Variants in NBPF12 observed in about 807,000 individuals in gnomAD.
The protein encoded by NBPF12 is NBPF family member NBPF12.
Under a neutral mutation model 146.4 loss-of-function variants are expected in NBPF12, and 115 were observed. That is an observed-to-expected ratio of 0.79 (90% CI 0.68 to 0.92). The LOEUF (loss-of-function observed/expected upper bound fraction) is 0.92. Among genes scored for constraint, NBPF12 ranks in the 40% least tolerant of loss-of-function variants. NBPF12 has a pLI of 0.00. For missense variants in NBPF12, 1,205 were observed against 1,326.8 expected (o/e 0.91, Z 1.43); for synonymous variants, 385 against 508.9 (o/e 0.76, Z 3.28).
In NBPF12 at chr1:146,970,223, C is replaced by A. The variant is rs1412801091; in HGVS notation, c.1307-424C>A. Among the ~76,000 whole-genome samples, 10 of 150,224 alleles carry A rather than the reference C, an allele frequency of 6.7e-5. 1 individual carries two copies. Among genetic ancestry groups the A allele is most frequent in the African/African-American group, 2.5e-4 (10 of 40,040 alleles). On this transcript the variant is annotated intron_variant, in intron 11 of 33. Coordinates refer to ENST00000617844, the Ensembl canonical transcript of NBPF12. ...ACACAGCAGAAGCCACATGGAGGGCCTGTGCAGTCTCATGACGAATAGAGG... is the reference window on the plus strand; with the variant it reads ...ACACAGCAGAAGCCACATGGAGGGCATGTGCAGTCTCATGACGAATAGAGG...
intron 21 of NBPF12, 105 bp downstream of exon 24, chr1:146,984,290 C>G: frequency 2.5e-6 from 2 of 805,920 alleles, no homozygotes; most frequent in Non-Finnish European, 4.4e-6. Flanking sequence ...TCTTGTCAGA[C>G]AAGTCTGAAT....
At chr1:146,963,376 T>C (rs1655982492) in intron 6 of NBPF12, 67 bp downstream of exon 9, 1 of 1,584,408 alleles carries the variant, frequency 6.3e-7, no homozygotes, top group African/African-American at 1.5e-5. Context: ...ACCTCCATAC[T>C]TTCATGATGA....
rs1378710735 is a variant in NBPF12 at position 146,965,768 on chromosome 1, G to C, written c.778+664G>C. Among the ~76,000 whole-genome samples, 6 of 120,892 alleles carry C rather than the reference G, an allele frequency of 5.0e-5. No homozygotes were observed. The East Asian group carries it at 1.1e-3, about 22-fold the overall frequency. The allele number at this position is 120,892 out of a possible 152,430, so 79.3% of individuals were successfully genotyped here. A position where few individuals can be genotyped will look rare whatever the true frequency, so the allele number is the denominator to read the frequency against. ...GATTGTGGCACTGCACTCCAGCCTG[G>C]GAGACAGAGCGAGACTGCATCTCAA... On this transcript the variant is annotated intron_variant, in intron 8 of 33. Transcript: ENST00000617844.
chr1:146,955,791 A>C (rs1445850354), intron 2 of NBPF12, among the ~76,000 whole-genome samples: 1 of 151,658 alleles, frequency 6.6e-6, no homozygotes, highest in Non-Finnish European at 1.5e-5. Context: ...GAGTCCCTTC[A>C]GATCTCCAAT....
intron 1 of NBPF12, among the ~76,000 whole-genome samples, chr1:146,950,531 G>T (rs1177914777): frequency 6.6e-6 from 1 of 151,738 alleles, no homozygotes; most frequent in African/African-American, 2.4e-5. Flanking sequence ...TCCACAGCCT[G>T]GGACTGACCC....
chr1:146,989,334 C>CTCTCTGTCTCTG (rs1284756709), intron 27 of NBPF12, among the ~76,000 whole-genome samples: 2 of 141,190 alleles, frequency 1.4e-5, no homozygotes, highest in South Asian at 2.2e-4. Flanking sequence ...AGCTCACTTT[C>CTCTCTGTCTCTG]TCTCTGTCTC....
exon 28 of NBPF12, chr1:146,989,731 G>C (rs76849897): frequency 0.089 from 130,379 of 1,460,248 alleles, no homozygotes; most frequent in Admixed American, 0.22. Context: ...TGTTGGCTTG[G>C]CTGTTGACAT....
At chr1:146,994,240 A>G in intron 33 of NBPF12, 92 bp from the exon 37 acceptor site, 3 of 1,552,684 alleles carry the variant, frequency 1.9e-6, no homozygotes, top group South Asian at 1.1e-5. Flanking sequence ...TTTCTTTTCT[A>G]ACCACTTCCT....
intron 8 of NBPF12, among the ~76,000 whole-genome samples, chr1:146,966,117 C>G (rs1656189770): frequency 6.6e-6 from 1 of 151,590 alleles, no homozygotes; most frequent in Non-Finnish European, 1.5e-5. Context: ...AAACAGAAAA[C>G]AAAAAACCAA....
At chr1:146,992,600 C>T (rs1226561116) in intron 31 of NBPF12, 112 bp from the exon 35 acceptor site, 8 of 706,584 alleles carry the variant, frequency 1.1e-5, no homozygotes, top group Non-Finnish European at 1.8e-5. Context: ...ATTAATGGAT[C>T]TATCCTTTTA....
intron 10 of NBPF12, among the ~76,000 whole-genome samples, chr1:146,968,925 TTCAC>T (rs1656382724): frequency 6.6e-6 from 1 of 150,760 alleles, no homozygotes. Context: ...TTCTCATTCT[TTCAC>T]TCAATGTTGC....
intron 16 of NBPF12, among the ~76,000 whole-genome samples, chr1:146,976,611 C>T (rs1657046859): frequency 6.7e-6 from 1 of 150,102 alleles, no homozygotes; most frequent in Non-Finnish European, 1.5e-5. Context: ...AAGCCTGTTC[C>T]TGGGAATCAG....
At chr1:146,938,753 G>A (rs1654643684) in exon 1 of NBPF12, 1 of 152,382 alleles carries the variant, frequency 6.6e-6, no homozygotes, top group Non-Finnish European at 1.5e-5. Flanking sequence ...CGGACCCTGA[G>A]GAGCCAGCGG....
chr1:146,970,001 TC>T lies in NBPF12; in HGVS notation c.1306+407del, dbSNP rs1243850064. The stretch of plus-strand genomic sequence containing the variant: ...TTTATCTTTCCAGAGTTTCTCTCTC[TC>T]CATCTGCAAAGGCAGACAAATTGTC... On this transcript the variant is annotated intron_variant, in intron 11 of 33. Coordinates refer to ENST00000617844, the Ensembl canonical transcript of NBPF12. Among the ~76,000 whole-genome samples, 3 of 150,160 alleles carry T rather than the reference TC, an allele frequency of 2.0e-5. 1 individual carries two copies. Among genetic ancestry groups the T allele is most frequent in the Non-Finnish European group, 4.4e-5 (3 of 67,870 alleles).
intron 6 of NBPF12, 80 bp from the exon 10 acceptor site, chr1:146,964,277 A>G (rs1356295121): frequency 5.0e-6 from 8 of 1,584,202 alleles, no homozygotes; most frequent in Admixed American, 3.3e-5. Flanking sequence ...ATAGATGTTC[A>G]TGTCTCTGTG....
intron 1 of NBPF12, among the ~76,000 whole-genome samples, chr1:146,939,513 G>C (rs1654698229): frequency 1.3e-5 from 2 of 151,906 alleles, no homozygotes; most frequent in Admixed American, 6.6e-5. Context: ...CATGACTAGC[G>C]GGGCAAGCCT....
chr1:146,990,055 G>C (rs1658055976), intron 28 of NBPF12, among the ~76,000 whole-genome samples: 2 of 116,874 alleles, frequency 1.7e-5, no homozygotes, highest in Non-Finnish European at 3.6e-5. Context: ...TGTAGATCTT[G>C]TAGATTTCAT....
At chr1:146,942,934 T>TC (rs1654871572) in intron 1 of NBPF12, among the ~76,000 whole-genome samples, 1 of 84,032 alleles carries the variant, frequency 1.2e-5, no homozygotes, top group Non-Finnish European at 2.3e-5. Context: ...CAGGACTCTA[T>TC]TTTTTCCCCC....
intron 1 of NBPF12, among the ~76,000 whole-genome samples, chr1:146,939,977 T>G (rs1420085393): frequency 1.7e-5 from 1 of 57,616 alleles, no homozygotes; most frequent in African/African-American, 6.8e-5. Flanking sequence ...AGAGCGAGAC[T>G]CCCTCTAAAA....
Sources: allele counts gnomAD v4.1 joint callset (sites outside exome capture counted in the v4.1 genomes callset), GRCh38; gene constraint gnomAD v4.1.1; transcripts MANE v1.5; gene names NCBI Gene and HGNC (gene_info 2026-07-23, HGNC 2026-07-21).